The following CCDC91 variants were observed in gnomAD, a reference collection of about 807,000 sequenced individuals.
The protein encoded by CCDC91 is coiled-coil domain-containing protein 91.
CCDC91 carries 48 observed loss-of-function variants against 63.2 expected under a neutral mutation model. That is an observed-to-expected ratio of 0.76 (90% CI 0.60 to 0.97). The LOEUF (loss-of-function observed/expected upper bound fraction) is 0.97, where lower values mean the gene tolerates loss of function less well. CCDC91 is among the 50% of genes least tolerant of loss of function. The pLI is 0.00. For synonymous variants in CCDC91, 167 were observed against 165.8 expected (o/e 1.01, Z -0.06); for missense variants, 500 against 494.6 (o/e 1.01, Z -0.10).
At chr12:28,525,177 T>A (rs896871516) in intron 12 of CCDC91, among the ~76,000 whole-genome samples, 1 of 152,128 alleles carries the variant, frequency 6.6e-6, no homozygotes, top group Admixed American at 6.6e-5. Context: ...TCTAGTTCCT[T>A]GAGGTGTGAC....
Position 28,208,740 on chromosome 12 carries a change from CTT to C in CCDC91, c.-15+18100_-15+18101del, listed in dbSNP as rs532007173. Among the ~76,000 whole-genome samples, 153 of 152,258 alleles carry C rather than the reference CTT, an allele frequency of 1.0e-3. 3 individuals carry two copies. The South Asian group carries it at 0.031, about 31-fold the overall frequency. On this transcript the variant is annotated intron_variant, in intron 1 of 12. Transcript: ENST00000536442. ...TAGAGGGAAGACTTAACTTTTGTCT[CTT>C]GTCTTTCCCTTCCTTTTTGGTAGTT...
intron 11 of CCDC91, among the ~76,000 whole-genome samples, chr12:28,469,588 C>T (rs575881297): frequency 2.0e-5 from 3 of 152,062 alleles, no homozygotes; most frequent in South Asian, 2.1e-4. Flanking sequence ...AAAAAAAATC[C>T]TGTAATTTAT....
chr12:28,394,718 C>CT (rs1946181008), intron 8 of CCDC91, among the ~76,000 whole-genome samples: 1 of 151,736 alleles, frequency 6.6e-6, no homozygotes, highest in African/African-American at 2.4e-5. Context: ...CTTGCTCTCT[C>CT]TCTCTCTCTC....
chr12:28,259,947 A>G (rs1032345411), intron 3 of CCDC91, among the ~76,000 whole-genome samples: 1 of 152,038 alleles, frequency 6.6e-6, no homozygotes, highest in Non-Finnish European at 1.5e-5. Context: ...ATTTATGTCA[A>G]AAGAATATTT....
At chr12:28,281,689 C>T (rs983771936) in intron 3 of CCDC91, among the ~76,000 whole-genome samples, 2 of 151,952 alleles carry the variant, frequency 1.3e-5, no homozygotes, top group Non-Finnish European at 2.9e-5. Flanking sequence ...ATTATTTTTC[C>T]TTAGTCTGCC....
At chr12:28,319,592 C>G (rs1263750047) in intron 6 of CCDC91, 1 of 163,748 alleles carries the variant, frequency 6.1e-6, no homozygotes, top group Non-Finnish European at 1.3e-5. Flanking sequence ...TGCATATAAC[C>G]TGTGCACATC....
chr12:28,436,957 T>C (rs1169067109), intron 8 of CCDC91, among the ~76,000 whole-genome samples: 1 of 150,918 alleles, frequency 6.6e-6, no homozygotes, highest in Admixed American at 6.6e-5. Flanking sequence ...CCAGAAATCT[T>C]TTTTTTTTGA....
intron 6 of CCDC91, chr12:28,319,222 A>G (rs2137369023): frequency 6.6e-6 from 1 of 152,012 alleles, no homozygotes; most frequent in East Asian, 1.9e-4. Flanking sequence ...TAGCACATAG[A>G]AAATAAATAT....
intron 1 of CCDC91, among the ~76,000 whole-genome samples, chr12:28,195,491 G>A (rs7974904): frequency 0.26 from 39,479 of 151,896 alleles, 5,377 homozygotes; most frequent in Non-Finnish European, 0.31. Flanking sequence ...TTAAAAATCA[G>A]TTGAGTATGT....
intron 12 of CCDC91, among the ~76,000 whole-genome samples, chr12:28,509,763 G>A (rs10843193): frequency 0.21 from 31,679 of 151,812 alleles, 4,330 homozygotes; most frequent in Non-Finnish European, 0.31. Context: ...GGGAACAAGA[G>A]AGTGGGGAGA....
chr12:28,237,777 G>A (rs1195348250), intron 1 of CCDC91, among the ~76,000 whole-genome samples: 1 of 152,212 alleles, frequency 6.6e-6, no homozygotes, highest in African/African-American at 2.4e-5. Context: ...TATTATGTGT[G>A]AATATACATT....
intron 1 of CCDC91, among the ~76,000 whole-genome samples, chr12:28,246,907 T>G (rs1366250451): frequency 6.6e-6 from 1 of 152,086 alleles, no homozygotes; most frequent in Non-Finnish European, 1.5e-5. Context: ...AAGAACAGAT[T>G]GAGGAGAGAA....
chr12:28,500,359 T>C (rs1937657131), intron 12 of CCDC91, among the ~76,000 whole-genome samples: 2 of 152,070 alleles, frequency 1.3e-5, no homozygotes, highest in African/African-American at 2.4e-5. Flanking sequence ...TAGATCCCAT[T>C]TGTCAATTTT....
intron 1 of CCDC91, among the ~76,000 whole-genome samples, chr12:28,253,971 CCCT>C (rs1946284911): frequency 6.6e-6 from 1 of 152,162 alleles, no homozygotes; most frequent in Admixed American, 6.5e-5. Flanking sequence ...TTACACTCTG[CCCT>C]CCTCTGTACA....
At chr12:28,314,282 T>A (rs1226403470) in intron 6 of CCDC91, among the ~76,000 whole-genome samples, 1 of 152,042 alleles carries the variant, frequency 6.6e-6, no homozygotes, top group Non-Finnish European at 1.5e-5. Flanking sequence ...GACTACTACT[T>A]ACATTCTGTT....
intron 8 of CCDC91, among the ~76,000 whole-genome samples, chr12:28,391,653 A>G (rs1438324769): frequency 6.6e-6 from 1 of 152,194 alleles, no homozygotes; most frequent in Non-Finnish European, 1.5e-5. Flanking sequence ...GGGTTATAAT[A>G]TATTCTCCAA....
intron 3 of CCDC91, among the ~76,000 whole-genome samples, chr12:28,277,534 A>G (rs941170387): frequency 6.6e-6 from 1 of 152,198 alleles, no homozygotes; most frequent in African/African-American, 2.4e-5. Flanking sequence ...GCAAATGCTT[A>G]TTAGAGAATT....
rs1321654294 is a variant in CCDC91, at chr12:28,549,249, G to C, written c.*76G>C. On this transcript the variant is annotated 3_prime_UTR_variant, in exon 13 of 13. Transcript: ENST00000536442. ...CAAAATACACACTCTGAATTATAAA[G>C]ATGTGTTTGTTTTCTTTCCAAATCA... 31 of 806,430 alleles carry C rather than the reference G, an allele frequency of 3.8e-5. 1 individual carries two copies. In the South Asian group the frequency reaches 4.9e-4, roughly 13 times the overall value. The allele number at this position is 806,430 out of a possible 1,614,324, so 50.0% of individuals were successfully genotyped here.
At chr12:28,248,294 G>C (rs1314986863) in intron 1 of CCDC91, among the ~76,000 whole-genome samples, 1 of 152,164 alleles carries the variant, frequency 6.6e-6, no homozygotes, top group Non-Finnish European at 1.5e-5. Flanking sequence ...TGAGGTTCCT[G>C]TTAGATTACA....
Sources: allele counts gnomAD v4.1 joint callset (sites outside exome capture counted in the v4.1 genomes callset), GRCh38; gene constraint gnomAD v4.1.1; transcripts MANE v1.5; gene names NCBI Gene and HGNC (gene_info 2026-07-23, HGNC 2026-07-21).